LONP1: variants seen among roughly 807,000 people sequenced by gnomAD.
LONP1 encodes the protein lon peptidase 1, mitochondrial.
In LONP1, 31 loss-of-function variants were observed where a neutral mutation model predicts 98.5. The observed-to-expected ratio is 0.31, with a 90% CI of 0.24 to 0.42. The LOEUF is 0.42. Among genes scored for constraint, LONP1 ranks in the 20% least tolerant of loss-of-function variants. The pLI is 1.00. For synonymous variants in LONP1, 781 were observed against 594.7 expected, an observed-to-expected ratio of 1.31 and a Z score of -4.56; for missense variants, 1,336 against 1,350.6, an observed-to-expected ratio of 0.99 and a Z score of 0.17.
At chr19:5,699,561 T>TG (rs1471336226) in intron 9 of LONP1, among the ~76,000 whole-genome samples, 5 of 148,746 alleles carry the variant, frequency 3.4e-5, no homozygotes, top group Non-Finnish European at 6.0e-5. Flanking sequence ...TCCTGTTTTT[T>TG]TTTTTTTTTT....
At chr19:5,697,365 C>G (rs1030722856) in intron 10 of LONP1, among the ~76,000 whole-genome samples, 2 of 151,676 alleles carry the variant, frequency 1.3e-5, no homozygotes, top group Non-Finnish European at 2.9e-5. Flanking sequence ...CCGAGCAACG[C>G]ACGTGAGGAG....
chr19:5,697,426 G>A (rs946723735), intron 10 of LONP1, among the ~76,000 whole-genome samples: 11 of 151,348 alleles, frequency 7.3e-5, no homozygotes, highest in African/African-American at 1.2e-4. Context: ...GACACAGCCC[G>A]TGCAAAGGCC....
rs1352216486 is a variant in LONP1, at chr19:5,691,889, G to A, written c.*143C>T. 6 of 962,806 alleles carry A rather than the reference G, an allele frequency of 6.2e-6. No homozygotes were observed. The highest frequency in any genetic ancestry group is 2.6e-5 in the East Asian group (1 of 38,724). 59.6% of individuals were successfully genotyped at this position (962,806 alleles called of 1,614,324 possible). On this transcript the variant is annotated 3_prime_UTR_variant, in exon 18 of 18. Transcript: ENST00000360614. ...TTCTATGCCACACTCTGATTAAGCC[G>A]ACTGAGGTCCCTGGGATCTGGGTCA...
chr19:5,701,600 C>T (rs184091983), intron 8 of LONP1, among the ~76,000 whole-genome samples: 1,751 of 152,328 alleles, frequency 0.011, 37 homozygotes, highest in Admixed American at 0.054. Flanking sequence ...CCCGAGGTGC[C>T]GGGATTGCAG....
chr19:5,718,699 GT>G (rs59985153), intron 1 of LONP1, among the ~76,000 whole-genome samples: 7,970 of 146,798 alleles, frequency 0.054, 302 homozygotes, highest in African/African-American at 0.096. Flanking sequence ...CACATCAGTA[GT>G]TTTTTTTTTT....
At position 5,707,729 on chromosome 19, in the gene LONP1, G is replaced by A. The variant is rs2055170587; in HGVS notation, c.1030C>T (p.His344Tyr). ...MGAALTGAES[H>Y]ELQDVLEETN... The stretch of plus-strand genomic sequence containing the variant: ...TCTTCCAGGACGTCCTGCAGCTCAT[G>A]GGACTCGGCCCCGGTGAGCGCGGCG... The change falls in exon 6 of 18, where the codon CAT (histidine) becomes TAT (tyrosine). Residue 344 changes from histidine to tyrosine, a missense_variant. Physicochemically the swap from His to Tyr is moderately conservative, Grantham distance 83. This residue lies in a region of LONP1 where 97 missense variants were observed against 139.0 expected (regional missense o/e 0.70). Transcript: ENST00000360614. 1 of 1,613,326 alleles carries A rather than the reference G, an allele frequency of 6.2e-7. No individual in the cohort carries two copies. Among genetic ancestry groups the A allele is most frequent in the East Asian group, 2.2e-5 (1 of 44,878 alleles).
chr19:5,708,402 G>T lies in LONP1; in HGVS notation c.872C>A (p.Ala291Asp). The change falls in exon 5 of 18, where the codon GCC (alanine) becomes GAC (aspartate). Residue 291 changes from alanine to aspartate, a missense_variant and splice_region_variant. Physicochemically the swap from Ala to Asp is moderately radical, Grantham distance 126. Around this residue, in one of 5 missense-constraint regions of LONP1, gnomAD observed 97 missense variants for 139.0 expected, o/e 0.70. Coordinates refer to ENST00000360614, the MANE Select transcript of LONP1 (RefSeq NM_004793.4). ...GGTCTTCACGATCTCTGCAGTCAGG[G>T]CCTGCCAAGTATGGGGCAGGGTCGC... ...EDFQVTEEVK[A>D]LTAEIVKTIR... 8.3e-7 allele frequency: 1 copy of T among 1,205,852 alleles called. No homozygotes were observed. 74.7% of individuals were successfully genotyped at this position (1,205,852 alleles called of 1,614,324 possible).
chr19:5,703,418 G>C (rs1036513806), intron 8 of LONP1, among the ~76,000 whole-genome samples: 5 of 152,114 alleles, frequency 3.3e-5, no homozygotes, highest in African/African-American at 1.2e-4. Context: ...GAGTGACGCT[G>C]AAGGTTGGGA....
At chr19:5,707,620 C>T in intron 6 of LONP1, 77 bp downstream of exon 6, 2 of 1,524,076 alleles carry the variant, frequency 1.3e-6, no homozygotes, top group Non-Finnish European at 1.8e-6. Flanking sequence ...GGAACGGGGG[C>T]AGCCGGGCGT....
Position 5,691,968 on chromosome 19 carries a change from C to T in LONP1, c.*64G>A. ...CACTGCCAGGTCCGGGCGCGCTCCC[C>T]ACAGCGCTCAGTTCTGGCCCAGACA... On this transcript the variant is annotated 3_prime_UTR_variant, in exon 18 of 18. Coordinates refer to ENST00000360614, the MANE Select transcript of LONP1 (RefSeq NM_004793.4). 1.9e-6 allele frequency: 3 copies of T among 1,555,426 alleles called. No individual in the cohort carries two copies. Among genetic ancestry groups the T allele is most frequent in the Non-Finnish European group, 2.6e-6 (3 of 1,149,854 alleles).
chr19:5,708,178 CTGCCCCA>C, intron 5 of LONP1, 157 bp downstream of exon 5: 1 of 704,618 alleles, frequency 1.4e-6, no homozygotes, highest in Middle Eastern at 3.9e-4. Flanking sequence ...GGCCTCCCAC[CTGCCCCA>C]TGCCCCAGTG....
At chr19:5,693,890 A>AG (rs2054877412) in intron 15 of LONP1, 121 bp from the exon 16 acceptor site, 1 of 831,692 alleles carries the variant, frequency 1.2e-6, no homozygotes, top group Non-Finnish European at 1.9e-6. Context: ...GCCCCTGGGC[A>AG]GGGGTTGGTG....
At chr19:5,695,689 G>A (rs940886907) in intron 13 of LONP1, among the ~76,000 whole-genome samples, 10 of 152,158 alleles carry the variant, frequency 6.6e-5, no homozygotes, top group African/African-American at 2.2e-4. Context: ...TCTCCTCCAA[G>A]CCTCATTCTG....
At chr19:5,707,599 G>A in intron 6 of LONP1, 98 bp downstream of exon 6, 7 of 1,314,036 alleles carry the variant, frequency 5.3e-6, no homozygotes, top group South Asian at 2.6e-5. Context: ...CAGGCATGGG[G>A]GAGCTGAGGA....
Position 5,692,189 on chromosome 19 carries a change from G to A in LONP1, c.2723C>T (p.Thr908Met), listed in dbSNP as rs1382601981. ...KTIAAKRAGVTCIVLPAENKK... is the reference protein window; with the variant it reads ...KTIAAKRAGVMCIVLPAENKK... ...GTTCTCGGCTGGCAGGACGATGCAC[G>A]TCACCCCTGCGCGCTTGGCCTGGGG... Residue 908 changes from threonine to methionine, a missense_variant, in exon 18 of 18, where the codon ACG becomes ATG. Physicochemically the swap from Thr to Met is moderately conservative, Grantham distance 81. This residue lies in a region of LONP1 where 555 missense variants were observed against 542.6 expected (regional missense o/e 1.02). Coordinates refer to ENST00000360614, the MANE Select transcript of LONP1 (RefSeq NM_004793.4). 49 of 1,613,504 alleles carry A rather than the reference G, an allele frequency of 3.0e-5. No homozygotes were observed. The highest frequency in any genetic ancestry group is 6.7e-5 in the Admixed American group (4 of 59,980).
At chr19:5,707,172 G>A (rs1568322737) in intron 6 of LONP1, 29 bp from the exon 7 acceptor site, 3 of 1,597,116 alleles carry the variant, frequency 1.9e-6, no homozygotes, top group South Asian at 1.1e-5. Context: ...CAGAAAGGAT[G>A]AGCAGAAGTC....
At chr19:5,695,001 G>A in intron 13 of LONP1, 100 bp from the exon 14 acceptor site, 3 of 1,393,164 alleles carry the variant, frequency 2.2e-6, no homozygotes, top group South Asian at 2.8e-5. Context: ...CCCAGACCCT[G>A]GCCTGGGAAC....
At position 5,707,077 on chromosome 19, in the gene LONP1, G is replaced by C. The variant is rs2055157596; in HGVS notation, c.1129C>G (p.Gln377Glu). 1 of 1,612,196 alleles carries C rather than the reference G, an allele frequency of 6.2e-7. No individual in the cohort carries two copies. The highest frequency in any genetic ancestry group is 2.2e-5 in the East Asian group (1 of 44,880). The part of the protein sequence containing the change: ...KKEFELSKLQ[Q>E]RLGREVEEKI... ...GGGCTCACCTCCCGCCCCAGGCGCT[G>C]CTGCAGCTTGCTCAGTTCAAATTCC... Residue 377 changes from glutamine to glutamate, a missense_variant, in exon 7 of 18, where the codon CAG becomes GAG. Gln to Glu is a conservative substitution (Grantham distance 29, BLOSUM62 2). Transcript: ENST00000360614.
chr19:5,720,083 C>A lies in LONP1; in HGVS notation c.50G>T (p.Trp17Leu). 6.7e-7 allele frequency: 1 copy of A among 1,492,794 alleles called. No individual in the cohort carries two copies. Among genetic ancestry groups the A allele is most frequent in the Non-Finnish European group, 8.8e-7 (1 of 1,131,326 alleles). 92.5% of individuals were successfully genotyped at this position (1,492,794 alleles called of 1,614,324 possible). A position where few individuals can be genotyped will look rare whatever the true frequency, so the allele number is the denominator to read the frequency against. Residue 17 changes from tryptophan to leucine, a missense_variant, in exon 1 of 18, where the codon TGG becomes TTG. Physicochemically the swap from Trp to Leu is moderately conservative, Grantham distance 61. Coordinates refer to ENST00000360614, the MANE Select transcript of LONP1 (RefSeq NM_004793.4). ...YVRLWGAARC[W>L]VLRRPMLAAA... ...GGCCAGCATCGGCCGCCGCAGCACC[C>A]AGCACCGCGCCGCTCCCCACAGTCG...
Sources: gnomAD v4.1 joint callset for allele counts (sites outside exome capture counted in the v4.1 genomes callset) on GRCh38, gnomAD v4.1.1 for gene constraint, gnomAD v4.1.1 regional missense constraint, MANE v1.5 for transcripts, NCBI Gene and HGNC (gene_info 2026-07-23, HGNC 2026-07-21) for gene names.